STAU2: variants seen among roughly 807,000 people sequenced by gnomAD.
STAU2 encodes staufen double-stranded RNA binding protein 2, also known as double-stranded RNA-binding protein Staufen homolog 2.
In STAU2, 20 loss-of-function variants were observed where a neutral mutation model predicts 65.9. That is an observed-to-expected ratio of 0.30 (90% CI 0.21 to 0.44). STAU2 has a LOEUF of 0.44. Ranked by LOEUF, STAU2 falls within the 20% of genes least tolerant of loss-of-function variation. The probability of loss-of-function intolerance (pLI) is 1.00; values close to 1 mark genes in which losing one functional copy is unlikely to be tolerated. For missense variants in STAU2, 558 were observed against 683.9 expected, an observed-to-expected ratio of 0.82 and a Z score of 2.05; for synonymous variants, 232 against 233.9, an observed-to-expected ratio of 0.99 and a Z score of 0.07.
intron 13 of STAU2, among the ~76,000 whole-genome samples, chr8:73,541,788 C>T (rs182342552): frequency 6.6e-6 from 1 of 152,006 alleles, no homozygotes; most frequent in Admixed American, 6.5e-5. Context: ...GTGAAAAATA[C>T]AACAAAATGA....
At chr8:73,639,134 A>G (rs932803874) in intron 6 of STAU2, among the ~76,000 whole-genome samples, 9 of 152,088 alleles carry the variant, frequency 5.9e-5, no homozygotes, top group Non-Finnish European at 1.3e-4. Flanking sequence ...TTTAAATTGT[A>G]GTATCTTGTT....
intron 9 of STAU2, among the ~76,000 whole-genome samples, chr8:73,607,950 C>T (rs1812148994): frequency 6.6e-6 from 1 of 152,092 alleles, no homozygotes; most frequent in Admixed American, 6.5e-5. Context: ...TTACACTAAA[C>T]TTATGTAAGA....
At chr8:73,549,583 ATTAAAAG>A (rs143414282) in intron 13 of STAU2, 116,628 of 957,364 alleles carry the variant, frequency 0.12, 7,496 homozygotes, top group Non-Finnish European at 0.13. Context: ...ATGAAACAAA[ATTAAAAG>A]TTAAAACAAC....
intron 13 of STAU2, among the ~76,000 whole-genome samples, chr8:73,524,352 T>C (rs536940359): frequency 2.5e-4 from 38 of 151,972 alleles, no homozygotes; most frequent in African/African-American, 7.7e-4. Context: ...GCAGGCATGG[T>C]AGGGGGACGC....
At chr8:73,648,473 C>G (rs138224869) in intron 6 of STAU2, among the ~76,000 whole-genome samples, 134 of 152,208 alleles carry the variant, frequency 8.8e-4, no homozygotes, top group African/African-American at 3.2e-3. Flanking sequence ...AATATATATA[C>G]CTTGGAGAAC....
chr8:73,731,821 C>G (rs1374061763), intron 3 of STAU2, among the ~76,000 whole-genome samples: 1 of 151,960 alleles, frequency 6.6e-6, no homozygotes, highest in Admixed American at 6.6e-5. Flanking sequence ...CGTCTGTAGT[C>G]CCAGCTACTC....
chr8:73,687,878 A>ATT (rs1819047998), intron 5 of STAU2, among the ~76,000 whole-genome samples: 1 of 151,276 alleles, frequency 6.6e-6, no homozygotes, highest in Non-Finnish European at 1.5e-5. Context: ...TGTCCAGCTA[A>ATT]TTTTTTTGTA....
intron 13 of STAU2, among the ~76,000 whole-genome samples, chr8:73,520,906 G>A (rs1823003301): frequency 6.6e-6 from 1 of 152,136 alleles, no homozygotes; most frequent in South Asian, 2.1e-4. Flanking sequence ...TATTATTTAA[G>A]CCAATATGAG....
At chr8:73,613,567 A>C (rs1315158562) in intron 9 of STAU2, among the ~76,000 whole-genome samples, 177 bp downstream of exon 9, 1 of 152,206 alleles carries the variant, frequency 6.6e-6, no homozygotes, top group African/African-American at 2.4e-5. Context: ...GCAGGTGCAC[A>C]GGTATTTAAA....
At chr8:73,572,755 A>T (rs531428948) in intron 12 of STAU2, among the ~76,000 whole-genome samples, 1 of 152,338 alleles carries the variant, frequency 6.6e-6, no homozygotes, top group South Asian at 2.1e-4. Context: ...TCTCAAAATA[A>T]TAAGAGCTAT....
At chr8:73,706,434 T>C (rs1038150885) in intron 4 of STAU2, among the ~76,000 whole-genome samples, 1 of 152,042 alleles carries the variant, frequency 6.6e-6, no homozygotes, top group African/African-American at 2.4e-5. Context: ...AATTAATGAG[T>C]TGAAACTAGG....
intron 11 of STAU2, 56 bp from the exon 12 acceptor site, chr8:73,582,886 A>G: frequency 4.5e-6 from 7 of 1,543,008 alleles, no homozygotes; most frequent in Non-Finnish European, 6.2e-6. Context: ...TCAAAAAGAA[A>G]AAAAAAAAGG....
chr8:73,589,671 C>T lies in STAU2; in HGVS notation c.1161+5495G>A, dbSNP rs150343606. 1.4e-3 allele frequency among the ~76,000 whole-genome samples: 216 copies of T among 152,168 alleles called. 1 individual carries two copies. Among genetic ancestry groups the T allele is most frequent in the African/African-American group, 4.9e-3 (205 of 41,502 alleles). ...CTTGTAGACAAATCAACAGAAATTA[C>T]TCAAACTGTTTAATAAAGAAAATCC... On this transcript the variant is annotated intron_variant, in intron 11 of 14. Transcript: ENST00000524300.
intron 13 of STAU2, among the ~76,000 whole-genome samples, chr8:73,504,486 T>C (rs962207817): frequency 6.6e-6 from 1 of 152,124 alleles, no homozygotes; most frequent in Non-Finnish European, 1.5e-5. Flanking sequence ...AGGGATTACA[T>C]AGACTATACA....
chr8:73,612,913 A>G (rs532057882), intron 9 of STAU2, among the ~76,000 whole-genome samples: 1 of 152,320 alleles, frequency 6.6e-6, no homozygotes, highest in East Asian at 1.9e-4. Flanking sequence ...CAGACATGTC[A>G]TACGTGTCAA....
intron 4 of STAU2, among the ~76,000 whole-genome samples, chr8:73,705,443 C>T (rs2130625581): frequency 6.6e-6 from 1 of 152,104 alleles, no homozygotes; most frequent in South Asian, 2.1e-4. Flanking sequence ...TGAAACTTAG[C>T]CAGGCTTACC....
chr8:73,608,320 T>C (rs1004375287), intron 9 of STAU2, among the ~76,000 whole-genome samples: 3 of 151,798 alleles, frequency 2.0e-5, no homozygotes, highest in African/African-American at 7.3e-5. Context: ...AAACATTAGG[T>C]GACAAGGCCA....
chr8:73,444,157 A>G (rs903569596), intron 13 of STAU2, among the ~76,000 whole-genome samples: 1 of 152,206 alleles, frequency 6.6e-6, no homozygotes, highest in Non-Finnish European at 1.5e-5. Flanking sequence ...CTGTAATTCC[A>G]GCACTTTGGA....
intron 13 of STAU2, among the ~76,000 whole-genome samples, chr8:73,517,598 C>G (rs1822812001): frequency 6.6e-6 from 1 of 152,044 alleles, no homozygotes; most frequent in Admixed American, 6.6e-5. Flanking sequence ...TTATGAAACA[C>G]CAAGCTACAG....
Sources: gnomAD v4.1 joint callset for allele counts (sites outside exome capture counted in the v4.1 genomes callset) on GRCh38, gnomAD v4.1.1 for gene constraint, MANE v1.5 for transcripts, NCBI Gene and HGNC (gene_info 2026-07-23, HGNC 2026-07-21) for gene names.